ZNF83: variants seen among roughly 807,000 people sequenced by gnomAD.
ZNF83 encodes the protein zinc finger protein 83, also known as zinc finger protein 816B.
For missense variants in ZNF83, 552 were observed against 629.9 expected, an observed-to-expected ratio of 0.88 and a Z score of 1.32; for synonymous variants, 209 against 213.0, an observed-to-expected ratio of 0.98 and a Z score of 0.17.
intron 3 of ZNF83, among the ~76,000 whole-genome samples, chr19:52,650,137 A>T (rs1418647582): frequency 1.3e-5 from 2 of 152,188 alleles, no homozygotes; most frequent in Non-Finnish European, 2.9e-5. Flanking sequence ...AGAAAAAAAA[A>T]TCCCACTTAA....
chr19:52,653,150 G>GT (rs1555788055), intron 3 of ZNF83: 5 of 1,480,610 alleles, frequency 3.4e-6, no homozygotes, highest in Middle Eastern at 3.5e-4. Flanking sequence ...CAGTTGTAAG[G>GT]TTTTTCTCCG....
At chr19:52,616,724 T>G (rs1245640626) in intron 2 of ZNF83, 3 of 152,158 alleles carry the variant, frequency 2.0e-5, no homozygotes, top group Non-Finnish European at 4.4e-5. Context: ...ATACCTGTAA[T>G]TCCAGCAACT....
intron 2 of ZNF83, among the ~76,000 whole-genome samples, chr19:52,656,208 G>GTCTC (rs56734195): frequency 3.1e-4 from 45 of 144,376 alleles, no homozygotes; most frequent in Middle Eastern, 3.5e-3. Context: ...GTGAGACTCC[G>GTCTC]TCTCTCTCTC....
intron 2 of ZNF83, among the ~76,000 whole-genome samples, chr19:52,621,895 T>G (rs892625273): frequency 1.3e-5 from 2 of 152,164 alleles, no homozygotes; most frequent in African/African-American, 4.8e-5. Context: ...TGTCCAGGCA[T>G]TTTTTCACTT....
intron 2 of ZNF83, among the ~76,000 whole-genome samples, chr19:52,628,828 A>G (rs533892667): frequency 6.6e-6 from 1 of 151,672 alleles, no homozygotes; most frequent in Admixed American, 6.6e-5. Flanking sequence ...CTGCACCCCA[A>G]TCCCTTATTT....
chr19:52,681,495 G>A (rs568447427), intron 1 of ZNF83, among the ~76,000 whole-genome samples: 28 of 152,174 alleles, frequency 1.8e-4, no homozygotes, highest in African/African-American at 6.5e-4. Flanking sequence ...TAACATTTTT[G>A]AATGCTTCCC....
At chr19:52,687,457 TAAATTATAA>T (rs2062042903) in intron 1 of ZNF83, among the ~76,000 whole-genome samples, 1 of 93,042 alleles carries the variant, frequency 1.1e-5, no homozygotes, top group Non-Finnish European at 2.0e-5. Context: ...AATTATAATA[TAAATTATAA>T]TTTATATATC....
intron 1 of ZNF83, among the ~76,000 whole-genome samples, chr19:52,675,720 A>C (rs923695449): frequency 6.6e-6 from 1 of 152,216 alleles, no homozygotes; most frequent in African/African-American, 2.4e-5. Context: ...GCAAGGGTGG[A>C]GGGCAGAAGT....
intron 1 of ZNF83, among the ~76,000 whole-genome samples, chr19:52,672,659 G>C (rs1031401761): frequency 4.6e-5 from 7 of 152,298 alleles, no homozygotes; most frequent in African/African-American, 9.6e-5. Context: ...GGGTGCAATG[G>C]CACGGTCTCG....
At chr19:52,625,810 G>A (rs969807696) in intron 2 of ZNF83, among the ~76,000 whole-genome samples, 3 of 152,082 alleles carry the variant, frequency 2.0e-5, no homozygotes, top group Non-Finnish European at 4.4e-5. Flanking sequence ...CATACACCAT[G>A]AATATTGAAC....
chr19:52,619,493 G>A (rs112712316), intron 2 of ZNF83, among the ~76,000 whole-genome samples: 1,882 of 152,214 alleles, frequency 0.012, 37 homozygotes, highest in African/African-American at 0.041. Flanking sequence ...GGATGTGGTG[G>A]TAGATGCCTG....
chr19:52,640,371 C>T (rs1600216374), upstream of ZNF83, among the ~76,000 whole-genome samples: 2 of 152,118 alleles, frequency 1.3e-5, no homozygotes, highest in East Asian at 3.9e-4. Flanking sequence ...ATCATGACAG[C>T]TTTCATTCAA....
chr19:52,620,298 A>G (rs1169594676), intron 2 of ZNF83, among the ~76,000 whole-genome samples: 12 of 83,994 alleles, frequency 1.4e-4, no homozygotes, highest in Admixed American at 4.7e-4. Context: ...GTGTGTATAT[A>G]TAGTTTCCTT....
chr19:52,653,788 T>G (rs1431252902), intron 3 of ZNF83, among the ~76,000 whole-genome samples: 3 of 152,226 alleles, frequency 2.0e-5, no homozygotes. Flanking sequence ...TTGCTTTTGA[T>G]GAAACACTTT....
intron 2 of ZNF83, among the ~76,000 whole-genome samples, chr19:52,628,548 G>T (rs2060829065): frequency 6.6e-6 from 1 of 152,108 alleles, no homozygotes; most frequent in South Asian, 2.1e-4. Flanking sequence ...CCTTCCCTTG[G>T]TGTTTAATCA....
intron 1 of ZNF83, among the ~76,000 whole-genome samples, chr19:52,661,529 G>A (rs556089327): frequency 2.6e-5 from 4 of 152,256 alleles, no homozygotes; most frequent in African/African-American, 7.2e-5. Flanking sequence ...AATCACCAGC[G>A]CCATCGTATT....
intron 2 of ZNF83, among the ~76,000 whole-genome samples, chr19:52,620,102 A>G (rs987398347): frequency 1.3e-5 from 2 of 152,202 alleles, no homozygotes; most frequent in African/African-American, 4.8e-5. Flanking sequence ...TTTTATATAT[A>G]TGTCCACAAA....
At chr19:52,679,275 T>C (rs897609459) in intron 1 of ZNF83, among the ~76,000 whole-genome samples, 11 of 152,116 alleles carry the variant, frequency 7.2e-5, no homozygotes, top group Admixed American at 5.9e-4. Flanking sequence ...GGGATGAACA[T>C]TGCCACAGTG....
At chr19:52,618,923 A>C (rs764386871) in intron 2 of ZNF83, 2 of 1,548,632 alleles carry the variant, frequency 1.3e-6, no homozygotes, top group Admixed American at 1.7e-5. Flanking sequence ...TTCTGGAGGG[A>C]AGTTATCCTC....
Sources: gnomAD v4.1 joint callset for allele counts (sites outside exome capture counted in the v4.1 genomes callset) on GRCh38, gnomAD v4.1.1 for gene constraint, MANE v1.5 for transcripts, NCBI Gene and HGNC (gene_info 2026-07-23, HGNC 2026-07-21) for gene names.